STARD9: variants seen among roughly 807,000 people sequenced by gnomAD.
STARD9 encodes StAR related lipid transfer domain containing 9, also known as stAR-related lipid transfer protein 9.
Under a neutral mutation model 399.8 loss-of-function variants are expected in STARD9, and 346 were observed. That is an observed-to-expected ratio of 0.87 (90% confidence interval 0.79 to 0.95). The LOEUF (loss-of-function observed/expected upper bound fraction) is 0.95. Ranked by LOEUF, STARD9 falls within the 40% of genes least tolerant of loss-of-function variation. The pLI is 0.00. For missense variants in STARD9, 5,832 were observed against 5,667.5 expected, an observed-to-expected ratio of 1.03 and a Z score of -0.93; for synonymous variants, 2,203 against 2,143.5, an observed-to-expected ratio of 1.03 and a Z score of -0.77.
intron 7 of STARD9, among the ~76,000 whole-genome samples, chr15:42,640,713 C>T (rs1318963861): frequency 2.7e-5 from 4 of 147,928 alleles, no homozygotes; most frequent in African/African-American, 1.0e-4. Flanking sequence ...CCCAGCTACT[C>T]GTGAGGCTGA....
At chr15:42,712,287 T>A (rs1241237231) in intron 26 of STARD9, among the ~76,000 whole-genome samples, 3 of 148,878 alleles carry the variant, frequency 2.0e-5, no homozygotes, top group African/African-American at 7.5e-5. Flanking sequence ...TTCACTGTCT[T>A]GATATAGTGC....
At position 42,691,347 on chromosome 15, in the gene STARD9, C is replaced by G. The variant is rs1320044714; in HGVS notation, c.9769C>G (p.Pro3257Ala). The G allele has an allele frequency of 9.1e-6, 14 of 1,537,102 alleles. No individual in the cohort carries two copies. Among genetic ancestry groups the G allele is most frequent in the Non-Finnish European group, 1.0e-5 (12 of 1,146,912 alleles). ...AGREEVAVAK[P>A]PVSKILSQGF... ...GAGAGAGGAGGTGGCTGTGGCCAAG[C>G]CTCCTGTGTCCAAGATTTTATCACA... Residue 3257 changes from proline to alanine, a missense_variant, in exon 23 of 33, where the codon CCT (proline) becomes GCT (alanine). Physicochemically the swap from Pro to Ala is conservative, Grantham distance 27. Transcript: ENST00000290607.
rs2061240763 is a variant in STARD9, at chr15:42,712,089, A to G, written c.13285-4588A>G. Among the ~76,000 whole-genome samples the G allele has an allele frequency of 2.4e-4, 2 of 8,492 alleles. 1 individual carries two copies. The highest frequency in any genetic ancestry group is 3.8e-3 in the Admixed American group (2 of 532). The allele number at this position is 8,492 out of a possible 152,430, so 5.6% of individuals were successfully genotyped here. On this transcript the variant is annotated intron_variant, in intron 26 of 32. Coordinates refer to ENST00000290607, the MANE Select transcript of STARD9 (RefSeq NM_020759.3). The stretch of plus-strand genomic sequence containing the variant: ...TTATATATATATATATATTATATAT[A>G]TATATATAATATATAATATATAATA...
chr15:42,610,086 C>T (rs1048924814), intron 3 of STARD9, among the ~76,000 whole-genome samples: 1 of 152,090 alleles, frequency 6.6e-6, no homozygotes, highest in Non-Finnish European at 1.5e-5. Context: ...GAACGAGACA[C>T]TATCTCCAAG....
At position 42,595,981 on chromosome 15, in the gene STARD9, C is replaced by T. The variant is rs185791709; in HGVS notation, c.234+10344C>T. ...ATCTTTAAAGAGTAATTTTCAGACT[C>T]GTAGAAACATCTGAAAGACAGAGAT... On this transcript the variant is annotated intron_variant, in intron 3 of 32. Coordinates refer to ENST00000290607, the MANE Select transcript of STARD9 (RefSeq NM_020759.3). Among the ~76,000 whole-genome samples the T allele has an allele frequency of 1.4e-3, 206 of 152,272 alleles. 1 individual carries two copies. Among genetic ancestry groups the T allele is most frequent in the African/African-American group, 4.8e-3 (198 of 41,544 alleles).
chr15:42,655,374 G>A (rs999410495), intron 9 of STARD9, among the ~76,000 whole-genome samples: 3 of 152,170 alleles, frequency 2.0e-5, no homozygotes, highest in Non-Finnish European at 4.4e-5. Context: ...GCATGGTACT[G>A]GGACAAAAAC....
In STARD9 at chr15:42,692,634, C is replaced by G; in HGVS notation, c.11056C>G (p.Gln3686Glu). The change falls in exon 23 of 33, where the codon CAG becomes GAG. Residue 3686 changes from glutamine (Q) to glutamate (E), a missense_variant. By Grantham distance (29) the Gln-to-Glu change is conservative. Coordinates refer to ENST00000290607, the MANE Select transcript of STARD9 (RefSeq NM_020759.3). ...SMHNLSLHLS[Q>E]LLHSTSELLG... ...GCACAATCTGTCTCTCCACCTCTCA[C>G]AGCTCCTGCACAGTACCTCAGAGCT... is the stretch of plus-strand genomic sequence containing the variant. 1 of 1,537,208 alleles carries G rather than the reference C, an allele frequency of 6.5e-7. No individual in the cohort carries two copies. Among genetic ancestry groups the G allele is most frequent in the Non-Finnish European group, 8.7e-7 (1 of 1,146,916 alleles).
intron 9 of STARD9, among the ~76,000 whole-genome samples, 177 bp downstream of exon 9, chr15:42,652,769 A>G (rs999292870): frequency 6.6e-6 from 1 of 152,046 alleles, no homozygotes; most frequent in African/African-American, 2.4e-5. Context: ...TCTGCCTCCC[A>G]GGCTCAAACA....
intron 26 of STARD9, among the ~76,000 whole-genome samples, chr15:42,697,817 A>G (rs2060876670): frequency 6.6e-6 from 1 of 152,170 alleles, no homozygotes; most frequent in Admixed American, 6.5e-5. Context: ...GAAAAAATTC[A>G]CAATCCAAAA....
rs190567599 is a variant in STARD9 at position 42,716,853 on chromosome 15, C to A, written c.13373-74C>A. 4.8e-5 allele frequency: 73 copies of A among 1,529,382 alleles called. No individual in the cohort carries two copies. The African/African-American group carries it at 9.3e-4, about 20-fold the overall frequency. The allele number at this position is 1,529,382 out of a possible 1,614,324, so 94.7% of individuals were successfully genotyped here. A position where few individuals can be genotyped will look rare whatever the true frequency, so the allele number is the denominator to read the frequency against. On this transcript the variant is annotated intron_variant, in intron 27 of 32. Transcript: ENST00000290607. ...TGCTAGATCTTAGTGAGTCACTGGT[C>A]TGTGGGAGAGCTGTTGCTGTCCTGA...
intron 1 of STARD9, among the ~76,000 whole-genome samples, chr15:42,578,026 C>T (rs1178500291): frequency 6.6e-6 from 1 of 152,172 alleles, no homozygotes; most frequent in Non-Finnish European, 1.5e-5. Flanking sequence ...ATTAGACCTA[C>T]TGCTCTTTCT....
chr15:42,718,679 C>G (rs924489062), intron 31 of STARD9, 73 bp from the exon 32 acceptor site: 4 of 1,494,502 alleles, frequency 2.7e-6, no homozygotes, highest in African/African-American at 1.4e-5. Flanking sequence ...TTTCACCATA[C>G]TGTCTACACG....
chr15:42,649,554 CAG>C (rs1285899240), intron 7 of STARD9, among the ~76,000 whole-genome samples: 1 of 151,738 alleles, frequency 6.6e-6, no homozygotes, highest in East Asian at 1.9e-4. Flanking sequence ...AAATATTAAG[CAG>C]AGTTACTTTT....
In STARD9 at chr15:42,614,648, C is replaced by T. The variant is rs190862457; in HGVS notation, c.235-20208C>T. Among the ~76,000 whole-genome samples, 117 of 152,136 alleles carry T rather than the reference C, an allele frequency of 7.7e-4. 3 individuals carry two copies. In the East Asian group the frequency reaches 0.013, roughly 17 times the overall value. On this transcript the variant is annotated intron_variant, in intron 3 of 32. Transcript: ENST00000290607. ...ATTTTACCCTTTGACCTAGGGGTCC[C>T]ACACCTGAAACTTACTCTATAAAAA...
At chr15:42,665,920 A>T in intron 15 of STARD9, 72 bp downstream of exon 15, 1 of 1,303,262 alleles carries the variant, frequency 7.7e-7, no homozygotes, top group Non-Finnish European at 1.1e-6. Context: ...GGAGCTAGGT[A>T]GGGTTGCTCC....
intron 3 of STARD9, among the ~76,000 whole-genome samples, chr15:42,607,102 G>A (rs778243223): frequency 2.8e-5 from 4 of 144,788 alleles, no homozygotes; most frequent in Non-Finnish European, 4.5e-5. Flanking sequence ...CATGTGCCAC[G>A]TCCTCCACAT....
Position 42,693,296 on chromosome 15 carries a change from C to A in STARD9, c.11718C>A (p.Ala3906=). 2 of 1,537,106 alleles carry A rather than the reference C, an allele frequency of 1.3e-6. No homozygotes were observed. The highest frequency in any genetic ancestry group is 2.7e-5 in the African/African-American group (2 of 73,128). Residue 3906 remains alanine, a synonymous_variant, in exon 23 of 33, where the codon GCC becomes GCA. Coordinates refer to ENST00000290607, the MANE Select transcript of STARD9 (RefSeq NM_020759.3). ...RASSPILTLS[A]STQEPGLSPG... is the part of the protein sequence containing the mutation. The stretch of plus-strand genomic sequence containing the variant: ...CCTCCCCAATCCTCACTCTTAGTGC[C>A]AGCACCCAAGAGCCGGGTCTTTCCC...
intron 3 of STARD9, among the ~76,000 whole-genome samples, chr15:42,592,190 C>T (rs2058410074): frequency 6.6e-6 from 1 of 152,174 alleles, no homozygotes; most frequent in Non-Finnish European, 1.5e-5. Flanking sequence ...GTTATATGAT[C>T]TGCCAAAGTT....
At chr15:42,670,091 A>T (rs796941623) in intron 16 of STARD9, 8 of 152,192 alleles carry the variant, frequency 5.3e-5, no homozygotes, top group African/African-American at 1.9e-4. Flanking sequence ...ATGTTTTTAA[A>T]AAAAGGTGGC....
Sources: allele counts gnomAD v4.1 joint callset (sites outside exome capture counted in the v4.1 genomes callset), GRCh38; gene constraint gnomAD v4.1.1; transcripts MANE v1.5; gene names NCBI Gene and HGNC (gene_info 2026-07-23, HGNC 2026-07-21).